GLYATL1: variants seen among roughly 807,000 people sequenced by gnomAD.
The protein encoded by GLYATL1 is glycine-N-acyltransferase like 1.
A neutral mutation model predicts 20.0 loss-of-function variants in GLYATL1; 15 were observed. The ratio of observed to expected loss-of-function variants is 0.75; its 90% CI spans 0.50 to 1.15. The LOEUF (loss-of-function observed/expected upper bound fraction) is 1.15. Among genes scored for constraint, GLYATL1 ranks in the 50% most tolerant of loss-of-function variants. GLYATL1 has a pLI of 0.00. For synonymous variants in GLYATL1, 151 were observed against 131.5 expected, an observed-to-expected ratio of 1.15 and a Z score of -1.01; for missense variants, 380 against 368.5, an observed-to-expected ratio of 1.03 and a Z score of -0.26.
intron 1 of GLYATL1, chr11:58,905,739 A>AAGGGG: frequency 4.2e-4 from 1 of 2,390 alleles, no homozygotes; most frequent in Non-Finnish European, 7.5e-4. Context: ...CTGGACAAAT[A>AAGGGG]GGGAGGGTGG....
upstream of GLYATL1, chr11:58,935,767 C>CAAT (rs1203942071): frequency 6.6e-6 from 1 of 151,796 alleles, no homozygotes; most frequent in Non-Finnish European, 1.5e-5. Flanking sequence ...TATATACACA[C>CAAT]AATAATAATA....
chr11:58,947,827 C>A, intron 3 of GLYATL1, 31 bp from the exon 4 acceptor site: 1 of 1,451,412 alleles, frequency 6.9e-7, no homozygotes, highest in Non-Finnish European at 9.7e-7. Flanking sequence ...GGGATCTCAA[C>A]CTCTCCTGGT....
chr11:58,905,559 A>G (rs1210354893), exon 1 of GLYATL1: 1 of 456,244 alleles, frequency 2.2e-6, no homozygotes, highest in Admixed American at 2.3e-5. Context: ...GGCATCTCCC[A>G]TACCCACCCG....
chr11:58,926,318 T>G (rs111829640), upstream of GLYATL1, among the ~76,000 whole-genome samples: 690 of 152,318 alleles, frequency 4.5e-3, 5 homozygotes, highest in African/African-American at 0.015. Flanking sequence ...TGTCATCACC[T>G]GAAGGTCTGC....
At chr11:58,926,143 A>G (rs1855422150), upstream of GLYATL1, among the ~76,000 whole-genome samples, 1 of 152,198 alleles carries the variant, frequency 6.6e-6, no homozygotes, top group Non-Finnish European at 1.5e-5. Flanking sequence ...CCAATCCTCT[A>G]GGGTTAACAC....
intron 4 of GLYATL1, among the ~76,000 whole-genome samples, chr11:58,954,343 C>T (rs1178854494): frequency 6.6e-6 from 1 of 152,096 alleles, no homozygotes; most frequent in African/African-American, 2.4e-5. Flanking sequence ...CAGGAGTATC[C>T]GTTTGGCACA....
intron 1 of GLYATL1, among the ~76,000 whole-genome samples, chr11:58,919,033 C>T (rs1020395823): frequency 2.6e-5 from 4 of 152,164 alleles, no homozygotes; most frequent in African/African-American, 9.7e-5. Context: ...CAGGATGGGG[C>T]CCATCCCATA....
At chr11:58,940,280 T>A (rs1369150062) in intron 1 of GLYATL1, among the ~76,000 whole-genome samples, 1 of 152,224 alleles carries the variant, frequency 6.6e-6, no homozygotes, top group Non-Finnish European at 1.5e-5. Flanking sequence ...CCACGGAAAC[T>A]GTTTTACTGA....
At chr11:58,915,287 G>A (rs545382519) in intron 1 of GLYATL1, among the ~76,000 whole-genome samples, 9 of 152,338 alleles carry the variant, frequency 5.9e-5, no homozygotes, top group Non-Finnish European at 1.2e-4. Context: ...TCCTCCTGGT[G>A]AGGTGAAATG....
chr11:58,956,136 G>A lies in GLYATL1; in HGVS notation c.*109G>A. 1 of 942,602 alleles carries A rather than the reference G, an allele frequency of 1.1e-6. No homozygotes were observed. The highest frequency in any genetic ancestry group is 2.5e-5 in the Admixed American group (1 of 40,434). The allele number at this position is 942,602 out of a possible 1,614,324, so 58.4% of individuals were successfully genotyped here. A position where few individuals can be genotyped will look rare whatever the true frequency, so the allele number is the denominator to read the frequency against. ...ATGCATATTGGGCACTTATAATACA[G>A]CAGGAACTCTTCTCACCTGGAGCCT... On this transcript the variant is annotated 3_prime_UTR_variant, in exon 7 of 7. Transcript: ENST00000532726.
chr11:58,948,253 G>A (rs543465458), intron 4 of GLYATL1, among the ~76,000 whole-genome samples: 2 of 152,170 alleles, frequency 1.3e-5, no homozygotes, highest in Non-Finnish European at 2.9e-5. Context: ...TGCAGGGGCT[G>A]AAAGGAGGCC....
At chr11:58,908,242 G>T (rs1473368728) in exon 2 of GLYATL1, 4 of 152,212 alleles carry the variant, frequency 2.6e-5, no homozygotes, top group Non-Finnish European at 4.4e-5. Flanking sequence ...CCTTGGAAAT[G>T]CCATACAGTA....
Position 58,955,209 on chromosome 11 carries a change from T to G in GLYATL1, c.347T>G (p.Val116Gly). 6.2e-7 allele frequency: 1 copy of G among 1,613,924 alleles called. No individual in the cohort carries two copies. The highest frequency in any genetic ancestry group is 8.5e-7 in the Non-Finnish European group (1 of 1,179,962). Residue 116 changes from valine to glycine, a missense_variant, in exon 6 of 7, where the codon GTG becomes GGG. Physicochemically the swap from Val to Gly is moderately radical, Grantham distance 109 (BLOSUM62 -3). Coordinates refer to ENST00000532726, the MANE Select transcript of GLYATL1 (RefSeq NM_001389712.2). ...LQESLGEGIRVATFSKSVKVE... is the reference protein window; with the variant it reads ...LQESLGEGIRGATFSKSVKVE... ...GAAAGTTTAGGTGAGGGGATAAGAG[T>G]GGCTACATTTTCAAAGTCAGTGAAA...
rs777421609 is a variant in GLYATL1, at chr11:58,947,918, G to A, written c.139G>A (p.Asp47Asn). 63 of 1,613,944 alleles carry A rather than the reference G, an allele frequency of 3.9e-5. No homozygotes were observed. The highest frequency in any genetic ancestry group is 5.2e-5 in the Non-Finnish European group (61 of 1,179,998). Residue 47 changes from aspartate to asparagine, a missense_variant, in exon 4 of 7, where the codon GAT (aspartate) becomes AAT (asparagine). Transcript: ENST00000532726. ...GNPFNMEVLV[D>N]SWPEYQMVII... ...CCCCTTCAACATGGAGGTGCTGGTG[G>A]ATTCCTGGCCTGAATATCAGATGGT...
chr11:58,914,853 T>C (rs1483875014), intron 1 of GLYATL1, among the ~76,000 whole-genome samples: 1 of 152,214 alleles, frequency 6.6e-6, no homozygotes, highest in East Asian at 1.9e-4. Flanking sequence ...CTAGGATATG[T>C]ACCTTCTGGT....
downstream of GLYATL1, among the ~76,000 whole-genome samples, chr11:58,911,338 C>T (rs984955997): frequency 6.6e-6 from 1 of 152,130 alleles, no homozygotes; most frequent in Non-Finnish European, 1.5e-5. Flanking sequence ...CTTGAGTTCA[C>T]CTAGCAGTGG....
chr11:58,945,534 G>A (rs1856506806), intron 2 of GLYATL1, among the ~76,000 whole-genome samples: 1 of 152,130 alleles, frequency 6.6e-6, no homozygotes, highest in South Asian at 2.1e-4. Context: ...AGGATATAAT[G>A]TTCCCAGGGC....
exon 2 of GLYATL1, chr11:58,908,371 G>GTT (rs998734210): frequency 6.5e-6 from 1 of 153,066 alleles, no homozygotes; most frequent in African/African-American, 2.4e-5. Context: ...TTGTTTTTTT[G>GTT]TTTTTTTAGA....
chr11:58,950,316 CAG>C (rs1043108594), intron 4 of GLYATL1, among the ~76,000 whole-genome samples: 2 of 150,962 alleles, frequency 1.3e-5, no homozygotes, highest in African/African-American at 4.9e-5. Context: ...AAAAAATAAA[CAG>C]AGGGATATTC....
Sources: allele counts gnomAD v4.1 joint callset (sites outside exome capture counted in the v4.1 genomes callset), GRCh38; gene constraint gnomAD v4.1.1; transcripts MANE v1.5; gene names NCBI Gene and HGNC (gene_info 2026-07-23, HGNC 2026-07-21).